Variants in TSPAN9 observed in about 807,000 individuals in gnomAD.
The protein encoded by TSPAN9 is tetraspanin-9.
TSPAN9 carries 16 observed loss-of-function variants against 31.0 expected under a neutral mutation model. That is an observed-to-expected ratio of 0.52 (90% CI 0.35 to 0.78). TSPAN9 has a LOEUF of 0.78. TSPAN9 is among the 30% of genes least tolerant of loss of function. The probability of loss-of-function intolerance (pLI) is 0.01; values close to 1 mark genes in which losing one functional copy is unlikely to be tolerated. For synonymous variants in TSPAN9, 145 were observed against 121.6 expected (o/e 1.19, Z -1.27); for missense variants, 272 against 312.5 (o/e 0.87, Z 0.98).
chr12:3,078,915 C>T (rs1014975255), intron 1 of TSPAN9, among the ~76,000 whole-genome samples: 1 of 151,264 alleles, frequency 6.6e-6, no homozygotes, highest in African/African-American at 2.4e-5. Flanking sequence ...CAAGTTTTTT[C>T]TATGCACGTT....
At chr12:3,249,955 CTTAAAA>C (rs919678712) in intron 3 of TSPAN9, among the ~76,000 whole-genome samples, 6 of 152,166 alleles carry the variant, frequency 3.9e-5, no homozygotes, top group Non-Finnish European at 7.3e-5. Flanking sequence ...TTTTAAATCC[CTTAAAA>C]TTAAAGGATT....
intron 2 of TSPAN9, among the ~76,000 whole-genome samples, chr12:3,130,318 CTATT>C (rs1356543281): frequency 6.6e-6 from 1 of 152,240 alleles, no homozygotes; most frequent in African/African-American, 2.4e-5. Flanking sequence ...TTTTCCCCCT[CTATT>C]TAACAACATT....
At chr12:3,222,546 C>G (rs1412923144) in intron 3 of TSPAN9, among the ~76,000 whole-genome samples, 5 of 152,230 alleles carry the variant, frequency 3.3e-5, no homozygotes, top group Non-Finnish European at 7.3e-5. Flanking sequence ...TCAGCCTCAT[C>G]TCTGTTCCTT....
At chr12:3,240,318 G>A (rs2098395962) in intron 3 of TSPAN9, among the ~76,000 whole-genome samples, 2 of 142,350 alleles carry the variant, frequency 1.4e-5, no homozygotes, top group African/African-American at 5.2e-5. Flanking sequence ...AGGTGGGAGA[G>A]TGTGAGGCCA....
chr12:3,084,178 G>T (rs996663736), intron 2 of TSPAN9: 2 of 152,512 alleles, frequency 1.3e-5, no homozygotes, highest in African/African-American at 4.8e-5. Context: ...ACCCCTACGG[G>T]GCCCTCTTCC....
At chr12:3,186,546 TTG>T (rs61329208) in intron 2 of TSPAN9, among the ~76,000 whole-genome samples, 17,251 of 135,836 alleles carry the variant, frequency 0.13, 1,003 homozygotes, top group Middle Eastern at 0.22. Flanking sequence ...AGGAGTTTGT[TTG>T]TGTGTGTGTG....
chr12:3,225,457 A>G (rs2098386708), intron 3 of TSPAN9, among the ~76,000 whole-genome samples: 1 of 151,690 alleles, frequency 6.6e-6, no homozygotes, highest in Non-Finnish European at 1.5e-5. Flanking sequence ...AGGTTGTCAC[A>G]CTCACGGTGG....
At chr12:3,278,321 G>A in intron 3 of TSPAN9, 100 bp from the exon 4 acceptor site, 1 of 1,498,106 alleles carries the variant, frequency 6.7e-7, no homozygotes, top group East Asian at 2.3e-5. Context: ...TTCTCACTTT[G>A]TCTGTGTCTC....
rs1174639116 is a variant in TSPAN9, at chr12:3,170,559, C to T, written c.-17-30618C>T. On this transcript the variant is annotated intron_variant, in intron 2 of 8. Coordinates refer to ENST00000011898, the MANE Select transcript of TSPAN9 (RefSeq NM_006675.5). This position sits in a 1 kb window ranked among gnomAD's most constrained non-coding sequence, Gnocchi z 4.4. The stretch of plus-strand genomic sequence containing the variant: ...AATCTGATCTGGTGGATGTGCGTGG[C>T]GTAGATAAGAGATCACTGAGTCAGT... Among the ~76,000 whole-genome samples the T allele has an allele frequency of 2.7e-5, 4 of 150,478 alleles. No homozygotes were observed. The highest frequency in any genetic ancestry group is 4.4e-5 in the Non-Finnish European group (3 of 67,782).
intron 3 of TSPAN9, among the ~76,000 whole-genome samples, chr12:3,244,976 A>G (rs1862089276): frequency 6.6e-6 from 1 of 152,126 alleles, no homozygotes; most frequent in Non-Finnish European, 1.5e-5. Flanking sequence ...TCTGTGCGTT[A>G]GCCTCTTGAC....
rs1565591207 is a variant in TSPAN9 at position 3,143,211 on chromosome 12, C to T, written c.-17-57966C>T. 1.3e-5 allele frequency among the ~76,000 whole-genome samples: 2 copies of T among 149,084 alleles called. No homozygotes were observed. The highest frequency in any genetic ancestry group is 2.5e-5 in the African/African-American group (1 of 39,378). On this transcript the variant is annotated intron_variant, in intron 2 of 8. Transcript: ENST00000011898. This position sits in a 1 kb window ranked among gnomAD's most constrained non-coding sequence, Gnocchi z 4.2. ...AAGGTGATGTCTGCCAGGTATCTCC[C>T]GTATATAAAGTGGCCCCTTTTTCTT...
rs145228492 is a variant in TSPAN9 at position 3,255,461 on chromosome 12, A to G, written c.64-22960A>G. Among the ~76,000 whole-genome samples the G allele has an allele frequency of 1.0e-3, 147 of 145,930 alleles. 2 individuals carry two copies. The East Asian group carries it at 0.026, about 26-fold the overall frequency. On this transcript the variant is annotated intron_variant, in intron 3 of 8. Transcript: ENST00000011898. ...GAGCCCAACCCAGCTCTATTATTAA[A>G]CTTTTCTCCAGCACTTTCTCCCCAC...
chr12:3,182,541 C>T (rs990352668), intron 2 of TSPAN9, among the ~76,000 whole-genome samples: 2 of 151,744 alleles, frequency 1.3e-5, no homozygotes, highest in African/African-American at 4.8e-5. Flanking sequence ...CCCATTCATT[C>T]ATTCAACAGT....
chr12:3,283,684 A>G lies in TSPAN9; in HGVS notation c.*568A>G, dbSNP rs1047051738. The G allele has an allele frequency of 1.3e-5, 2 of 152,800 alleles. No individual in the cohort carries two copies. The highest frequency in any genetic ancestry group is 4.8e-5 in the African/African-American group (2 of 41,460). 9.5% of individuals were successfully genotyped at this position (152,800 alleles called of 1,614,324 possible). A position where few individuals can be genotyped will look rare whatever the true frequency, so the allele number is the denominator to read the frequency against. On this transcript the variant is annotated 3_prime_UTR_variant, in exon 9 of 9. Coordinates refer to ENST00000011898, the MANE Select transcript of TSPAN9 (RefSeq NM_006675.5). ...TTATCTCTCAGATAAGTTTAGGGTT[A>G]GATTTCTGATTTGTAACTTTTTACT...
At chr12:3,196,208 C>G (rs530656526) in intron 2 of TSPAN9, among the ~76,000 whole-genome samples, 150 of 152,288 alleles carry the variant, frequency 9.8e-4, no homozygotes, top group Non-Finnish European at 1.8e-3. Context: ...CCACCTTCCC[C>G]CTAAGATAGG....
chr12:3,211,561 A>T (rs1044182502), intron 3 of TSPAN9: 25 of 965,590 alleles, frequency 2.6e-5, no homozygotes, highest in Middle Eastern at 3.2e-4. Context: ...CTTTCATTGA[A>T]TTCATTCATC....
chr12:3,186,546 T>TGTG (rs776372565), intron 2 of TSPAN9, among the ~76,000 whole-genome samples: 25 of 135,958 alleles, frequency 1.8e-4, no homozygotes, highest in East Asian at 6.9e-4. Context: ...AGGAGTTTGT[T>TGTG]TGTGTGTGTG....
intron 3 of TSPAN9, among the ~76,000 whole-genome samples, chr12:3,275,319 G>A (rs1225951721): frequency 6.6e-6 from 1 of 152,168 alleles, no homozygotes; most frequent in East Asian, 1.9e-4. Context: ...GCCCGAGAAG[G>A]GTCCGGGCTC....
chr12:3,120,008 C>G (rs886161922), intron 2 of TSPAN9, among the ~76,000 whole-genome samples: 1 of 152,180 alleles, frequency 6.6e-6, no homozygotes, highest in Admixed American at 6.5e-5. Context: ...GAGTTCGTGC[C>G]AGATGATCCT....
Sources: gnomAD v4.1 joint callset for allele counts (sites outside exome capture counted in the v4.1 genomes callset) on GRCh38, gnomAD v4.1.1 for gene constraint, Gnocchi (gnomAD v3.1) non-coding constraint, MANE v1.5 for transcripts, NCBI Gene and HGNC (gene_info 2026-07-23, HGNC 2026-07-21) for gene names.